ERBB4: variants seen among roughly 807,000 people sequenced by gnomAD.
ERBB4 encodes the protein erb-b2 receptor tyrosine kinase 4.
A neutral mutation model predicts 158.0 loss-of-function variants in ERBB4; 42 were observed. The ratio of observed to expected loss-of-function variants is 0.27; its 90% confidence interval spans 0.21 to 0.34. The LOEUF (loss-of-function observed/expected upper bound fraction) is 0.34. Among genes scored for constraint, ERBB4 ranks in the 10% least tolerant of loss-of-function variants. ERBB4 has a pLI of 1.00. For missense variants in ERBB4, 1,333 were observed against 1,624.1 expected (o/e 0.82, Z 3.08); for synonymous variants, 583 against 558.7 (o/e 1.04, Z -0.61).
At chr2:211,992,696 GAC>G (rs2082108927) in intron 2 of ERBB4, among the ~76,000 whole-genome samples, 1 of 152,088 alleles carries the variant, frequency 6.6e-6, no homozygotes, top group South Asian at 2.1e-4. Flanking sequence ...CTTCAGGTGA[GAC>G]AGAAAGAAAA....
intron 3 of ERBB4, among the ~76,000 whole-genome samples, chr2:211,937,937 G>C (rs1272270437): frequency 6.6e-6 from 1 of 152,082 alleles, no homozygotes; most frequent in Non-Finnish European, 1.5e-5. Context: ...CATTTTTAAA[G>C]TGTCATTTAT....
At position 211,420,437 on chromosome 2, in the gene ERBB4, T is replaced by G; in HGVS notation, c.3135+4A>C. The G allele has an allele frequency of 1.9e-6, 3 of 1,597,664 alleles. No individual in the cohort carries two copies. The highest frequency in any genetic ancestry group is 2.6e-6 in the Non-Finnish European group (3 of 1,165,710). On this transcript the variant is annotated splice_donor_region_variant and intron_variant, in intron 25 of 27. Transcript: ENST00000342788. The stretch of plus-strand genomic sequence containing the variant: ...TATGATATGTGTATATAATTATTTC[T>G]TACCCTATTCGAGTCAATTCTTGCT...
At chr2:211,440,355 T>C (rs539898044) in intron 20 of ERBB4, among the ~76,000 whole-genome samples, 19 of 151,824 alleles carry the variant, frequency 1.3e-4, no homozygotes, top group African/African-American at 4.1e-4. Flanking sequence ...GCAGTTATCC[T>C]CTGTGTCTCT....
intron 2 of ERBB4, among the ~76,000 whole-genome samples, chr2:212,029,274 C>A (rs2076846118): frequency 6.6e-6 from 1 of 152,056 alleles, no homozygotes; most frequent in African/African-American, 2.4e-5. Context: ...ACTGCCTCTT[C>A]AATAAAGCTG....
At chr2:211,604,024 T>C (rs1054149729) in intron 19 of ERBB4, among the ~76,000 whole-genome samples, 1 of 152,230 alleles carries the variant, frequency 6.6e-6, no homozygotes, top group African/African-American at 2.4e-5. Context: ...CTTTCTAATC[T>C]CTCAAAATAT....
chr2:212,048,857 T>C lies in ERBB4; in HGVS notation c.234+75895A>G, dbSNP rs2077326496. On this transcript the variant is annotated intron_variant, in intron 2 of 27. Coordinates refer to ENST00000342788, the MANE Select transcript of ERBB4 (RefSeq NM_005235.3). ...GACAAGTGTGTTTAAAGAAAAAATA[T>C]TCCCCTTAAGCATTCGAACATGGAA... Among the ~76,000 whole-genome samples the C allele has an allele frequency of 2.0e-5, 3 of 152,194 alleles. No individual in the cohort carries two copies. In the East Asian group the frequency reaches 5.8e-4, roughly 29 times the overall value.
intron 25 of ERBB4, among the ~76,000 whole-genome samples, chr2:211,414,270 G>A (rs1199555088): frequency 1.3e-5 from 2 of 152,236 alleles, no homozygotes; most frequent in East Asian, 3.9e-4. Context: ...GGCTGAGGCG[G>A]GCGAATCACT....
At chr2:212,442,213 T>C (rs1259695631) in intron 1 of ERBB4, among the ~76,000 whole-genome samples, 1 of 152,128 alleles carries the variant, frequency 6.6e-6, no homozygotes, top group Non-Finnish European at 1.5e-5. Flanking sequence ...TTAATTTATA[T>C]AAGGAGAAAA....
At chr2:211,396,726 A>G (rs1299028572) in intron 25 of ERBB4, among the ~76,000 whole-genome samples, 1 of 152,224 alleles carries the variant, frequency 6.6e-6, no homozygotes, top group Non-Finnish European at 1.5e-5. Context: ...CAAACAATTT[A>G]ACGTAATACA....
At chr2:211,738,370 T>G (rs1211886700) in intron 5 of ERBB4, among the ~76,000 whole-genome samples, 8 of 149,080 alleles carry the variant, frequency 5.4e-5, no homozygotes, top group East Asian at 1.9e-4. Flanking sequence ...TGTTTTTTTT[T>G]TTTTTTTTTT....
chr2:211,663,916 C>G (rs566632416), intron 15 of ERBB4, among the ~76,000 whole-genome samples: 4 of 151,906 alleles, frequency 2.6e-5, no homozygotes, highest in African/African-American at 9.6e-5. Flanking sequence ...GTGAAATACT[C>G]TTAACTCAAG....
intron 2 of ERBB4, among the ~76,000 whole-genome samples, chr2:212,020,488 A>G (rs1456647498): frequency 1.3e-5 from 2 of 151,916 alleles, no homozygotes; most frequent in Non-Finnish European, 2.9e-5. Flanking sequence ...TTCAACATGT[A>G]TTTTATTTTT....
intron 2 of ERBB4, among the ~76,000 whole-genome samples, chr2:212,121,502 C>G (rs2090865): frequency 0.1 from 15,937 of 152,238 alleles, 1,219 homozygotes; most frequent in African/African-American, 0.22. Flanking sequence ...GCCTCCACAC[C>G]TGGTTAAAGA....
chr2:211,602,011 C>T (rs556391870), intron 19 of ERBB4, among the ~76,000 whole-genome samples: 5 of 152,066 alleles, frequency 3.3e-5, no homozygotes, highest in African/African-American at 1.2e-4. Flanking sequence ...TTAAAGAGGG[C>T]ATTATGTTAA....
At chr2:211,517,581 C>T (rs1459338196) in intron 20 of ERBB4, among the ~76,000 whole-genome samples, 3 of 152,086 alleles carry the variant, frequency 2.0e-5, no homozygotes, top group Non-Finnish European at 4.4e-5. Context: ...ATGGTCCCTG[C>T]CTTCATAAAA....
At chr2:212,172,762 A>T (rs1203366350) in intron 1 of ERBB4, among the ~76,000 whole-genome samples, 1 of 151,624 alleles carries the variant, frequency 6.6e-6, no homozygotes, top group Non-Finnish European at 1.5e-5. Context: ...GGGTGGAAAA[A>T]CTCACACTGG....
chr2:212,137,011 A>G (rs931493619), intron 1 of ERBB4, among the ~76,000 whole-genome samples: 1 of 151,986 alleles, frequency 6.6e-6, no homozygotes, highest in Non-Finnish European at 1.5e-5. Flanking sequence ...ATATATTATT[A>G]TAATTTATTT....
chr2:212,430,935 TG>T (rs1257529075), intron 1 of ERBB4, among the ~76,000 whole-genome samples: 1 of 152,052 alleles, frequency 6.6e-6, no homozygotes, highest in Admixed American at 6.6e-5. Context: ...TGAGTTTTAA[TG>T]ACCTTCTGAC....
intron 1 of ERBB4, among the ~76,000 whole-genome samples, chr2:212,325,198 C>G (rs2087768779): frequency 6.6e-6 from 1 of 150,580 alleles, no homozygotes; most frequent in African/African-American, 2.4e-5. Flanking sequence ...TGTTTAATCT[C>G]TTATAAACCT....
Sources: gnomAD v4.1 joint callset for allele counts (sites outside exome capture counted in the v4.1 genomes callset) on GRCh38, gnomAD v4.1.1 for gene constraint, MANE v1.5 for transcripts, NCBI Gene and HGNC (gene_info 2026-07-23, HGNC 2026-07-21) for gene names.